The following KIF21A variants were observed in gnomAD, a reference collection of about 807,000 sequenced individuals.
KIF21A encodes the protein kinesin family member 21A, also known as kinesin-like protein KIF21A.
A neutral mutation model predicts 202.9 loss-of-function variants in KIF21A; 114 were observed. The observed-to-expected ratio is 0.56, with a 90% CI of 0.48 to 0.66. The LOEUF is 0.66. Ranked by LOEUF, KIF21A falls within the 30% of genes least tolerant of loss-of-function variation. The pLI is 0.00. For missense variants in KIF21A, 1,677 were observed against 1,994.9 expected (o/e 0.84, Z 3.04); for synonymous variants, 667 against 670.8 (o/e 0.99, Z 0.09).
chr12:39,390,083 A>C (rs561344404), intron 1 of KIF21A, among the ~76,000 whole-genome samples: 2 of 152,292 alleles, frequency 1.3e-5, no homozygotes, highest in Non-Finnish European at 2.9e-5. Flanking sequence ...TCATCGTTGT[A>C]TCTCTTCTCC....
At chr12:39,412,593 G>A (rs763832387) in intron 1 of KIF21A, among the ~76,000 whole-genome samples, 1 of 152,066 alleles carries the variant, frequency 6.6e-6, no homozygotes, top group African/African-American at 2.4e-5. Flanking sequence ...GCATGTGTCT[G>A]TAGTCTCAGC....
intron 1 of KIF21A, among the ~76,000 whole-genome samples, chr12:39,436,448 A>ATATATATATTTTTTTT (rs1387332677): frequency 2.1e-5 from 2 of 95,764 alleles, no homozygotes; most frequent in East Asian, 6.4e-4. Context: ...ATATATATAT[A>ATATATATATTTTTTTT]TTTTTTTTTT....
chr12:39,373,726 T>C (rs991975884), intron 1 of KIF21A, among the ~76,000 whole-genome samples: 5 of 152,304 alleles, frequency 3.3e-5, no homozygotes, highest in African/African-American at 7.2e-5. Flanking sequence ...TAGGTGCCAT[T>C]TGAATTGCAG....
rs55682319 is a variant in KIF21A, at chr12:39,311,402, G to A, written c.4096+15C>T. ...AAAAAGCTATTAAATATCTGCATTA[G>A]ATAACTACTAGCACCTTTTGATCCA... On this transcript the variant is annotated intron_variant, in intron 32 of 37. Transcript: ENST00000361418. The A allele has an allele frequency of 6.2e-6, 10 of 1,610,572 alleles. No homozygotes were observed. Among genetic ancestry groups the A allele is most frequent in the South Asian group, 3.3e-5 (3 of 90,908 alleles).
chr12:39,432,034 C>T (rs924069699), intron 1 of KIF21A, among the ~76,000 whole-genome samples: 2 of 152,158 alleles, frequency 1.3e-5, no homozygotes, highest in African/African-American at 2.4e-5. Context: ...CACTTTAGGA[C>T]AGGACAGGTG....
intron 25 of KIF21A, 44 bp downstream of exon 25, chr12:39,326,220 A>C (rs531441169): frequency 1.5e-6 from 2 of 1,349,178 alleles, no homozygotes; most frequent in South Asian, 1.2e-5. Context: ...AGTATTTAAA[A>C]TATGTAAATA....
intron 1 of KIF21A, among the ~76,000 whole-genome samples, chr12:39,404,889 T>G (rs1805634429): frequency 6.6e-6 from 1 of 152,146 alleles, no homozygotes; most frequent in African/African-American, 2.4e-5. Flanking sequence ...ATATTCCAAA[T>G]AGTATATATT....
At chr12:39,369,162 T>C (rs1566004626) in intron 3 of KIF21A, among the ~76,000 whole-genome samples, 1 of 152,172 alleles carries the variant, frequency 6.6e-6, no homozygotes, top group Non-Finnish European at 1.5e-5. Flanking sequence ...ATAACCTTTA[T>C]CTATTGATAA....
At chr12:39,325,109 A>G (rs34790877) in intron 26 of KIF21A, among the ~76,000 whole-genome samples, 1,975 of 152,350 alleles carry the variant, frequency 0.013, 16 homozygotes, top group Non-Finnish European at 0.022. Flanking sequence ...TTAGATTATT[A>G]GTAAAACCAC....
intron 1 of KIF21A, among the ~76,000 whole-genome samples, chr12:39,432,910 C>A (rs755574824): frequency 1.3e-5 from 2 of 152,060 alleles, no homozygotes; most frequent in Non-Finnish European, 2.9e-5. Flanking sequence ...CACACGACGA[C>A]CAAGATGGAC....
In KIF21A at chr12:39,322,777, G is replaced by A. The variant is rs954946455; in HGVS notation, c.3562C>T (p.Pro1188Ser). The A allele has an allele frequency of 6.2e-7, 1 of 1,614,054 alleles. No individual in the cohort carries two copies. Among genetic ancestry groups the A allele is most frequent in the Non-Finnish European group, 8.5e-7 (1 of 1,179,980 alleles). Residue 1188 changes from proline (P) to serine (S), a missense_variant, in exon 27 of 38, where the codon CCT becomes TCT. Pro to Ser is a moderately conservative substitution (Grantham distance 74). This residue lies in a region of KIF21A where 705 missense variants were observed against 791.9 expected (regional missense o/e 0.89). Coordinates refer to ENST00000361418, the MANE Select transcript of KIF21A (RefSeq NM_001173464.2). Reference sequence around the variant, plus strand: ...CCAATCTCTTGCCCTTCTGCAACAGGTGTGAGAGGGCCAGGCAAGGAGGCA... The same window carrying A: ...CCAATCTCTTGCCCTTCTGCAACAGATGTGAGAGGGCCAGGCAAGGAGGCA... ...GDASLPGPLT[P>S]VAEGQEIGMN...
chr12:39,417,130 G>C (rs1441988850), intron 1 of KIF21A, among the ~76,000 whole-genome samples: 2 of 151,548 alleles, frequency 1.3e-5, no homozygotes, highest in African/African-American at 4.9e-5. Flanking sequence ...ACATTAATGA[G>C]AAAGAAACAG....
intron 1 of KIF21A, among the ~76,000 whole-genome samples, chr12:39,413,689 G>A (rs184180166): frequency 5.6e-4 from 86 of 152,226 alleles, no homozygotes; most frequent in African/African-American, 2.0e-3. Context: ...GAGGAAGATC[G>A]CTTGAACCCA....
chr12:39,317,838 C>T (rs375087306), intron 29 of KIF21A, among the ~76,000 whole-genome samples: 15 of 152,156 alleles, frequency 9.9e-5, no homozygotes, highest in African/African-American at 3.6e-4. Flanking sequence ...AAGACAAGTG[C>T]TGAAGGCATA....
At chr12:39,339,073 G>C (rs956752934) in intron 16 of KIF21A, among the ~76,000 whole-genome samples, 1 of 152,012 alleles carries the variant, frequency 6.6e-6, no homozygotes, top group African/African-American at 2.4e-5. Flanking sequence ...GAGGTCAGGA[G>C]TTTGAGACCA....
chr12:39,358,062 A>G lies in KIF21A; in HGVS notation c.1215+116T>C, dbSNP rs1948931073. On this transcript the variant is annotated intron_variant, in intron 8 of 37. Coordinates refer to ENST00000361418, the MANE Select transcript of KIF21A (RefSeq NM_001173464.2). Reference sequence around the variant, plus strand: ...ACTCTTACCTCCAAAAGGAAGGAGGACACTATTATGACAACCAAGAGATTC... The same window carrying G: ...ACTCTTACCTCCAAAAGGAAGGAGGGCACTATTATGACAACCAAGAGATTC... 8 of 880,710 alleles carry G rather than the reference A, an allele frequency of 9.1e-6. No individual in the cohort carries two copies. In the Admixed American group the frequency reaches 1.4e-4, roughly 15 times the overall value. The allele number at this position is 880,710 out of a possible 1,614,324, so 54.6% of individuals were successfully genotyped here. A position where few individuals can be genotyped will look rare whatever the true frequency, so the allele number is the denominator to read the frequency against.
At chr12:39,304,163 T>C (rs1592034067) in intron 35 of KIF21A, among the ~76,000 whole-genome samples, 2 of 152,300 alleles carry the variant, frequency 1.3e-5, no homozygotes, top group East Asian at 3.9e-4. Flanking sequence ...CATTAACCCA[T>C]CTCTCATTTC....
intron 1 of KIF21A, among the ~76,000 whole-genome samples, chr12:39,426,328 C>T (rs913288619): frequency 6.6e-6 from 1 of 152,158 alleles, no homozygotes; most frequent in Non-Finnish European, 1.5e-5. Context: ...CACATGTACA[C>T]GCATGTATGC....
Position 39,295,180 on chromosome 12 carries a change from C to T in KIF21A, c.4932-663G>A, listed in dbSNP as rs373837154. On this transcript the variant is annotated intron_variant, in intron 37 of 37. Transcript: ENST00000361418. ...GAAGATTAAAAGCGATTCTGATGCC[C>T]TGTAAATATACACAGTTATTGTTCA... 5.3e-5 allele frequency among the ~76,000 whole-genome samples: 8 copies of T among 152,266 alleles called. No individual in the cohort carries two copies. In the East Asian group the frequency reaches 1.3e-3, roughly 26 times the overall value.
Sources: gnomAD v4.1 joint callset for allele counts (sites outside exome capture counted in the v4.1 genomes callset) on GRCh38, gnomAD v4.1.1 for gene constraint, gnomAD v4.1.1 regional missense constraint, MANE v1.5 for transcripts, NCBI Gene and HGNC (gene_info 2026-07-23, HGNC 2026-07-21) for gene names.